FGF14: variants seen among roughly 807,000 people sequenced by gnomAD.
FGF14 encodes the protein fibroblast growth factor 14, also known as fibroblast growth factor homologous factor 4.
In FGF14, 5 loss-of-function variants were observed where a neutral mutation model predicts 25.5. That is an observed-to-expected ratio of 0.20 (90% confidence interval 0.10 to 0.41). The LOEUF (loss-of-function observed/expected upper bound fraction) is 0.41, where lower values mean the gene tolerates loss of function less well. Ranked by LOEUF, FGF14 falls within the 10% of genes least tolerant of loss-of-function variation. FGF14 has a pLI of 1.00. For synonymous variants in FGF14, 138 were observed against 118.3 expected, an observed-to-expected ratio of 1.17 and a Z score of -1.08; for missense variants, 222 against 320.1, an observed-to-expected ratio of 0.69 and a Z score of 2.34.
At chr13:102,072,913 A>C (rs191394776) in intron 1 of FGF14, among the ~76,000 whole-genome samples, 1 of 152,322 alleles carries the variant, frequency 6.6e-6, no homozygotes, top group East Asian at 1.9e-4. Context: ...TATTTGTGGC[A>C]AACTGAAGAG....
intron 3 of FGF14, among the ~76,000 whole-genome samples, chr13:101,864,572 C>T (rs1450878733): frequency 6.6e-6 from 1 of 152,074 alleles, no homozygotes; most frequent in Non-Finnish European, 1.5e-5. Flanking sequence ...CTTGGCTTTC[C>T]AGGTGATTCG....
intron 1 of FGF14, among the ~76,000 whole-genome samples, chr13:102,125,576 A>G (rs1218487924): frequency 6.6e-6 from 1 of 152,140 alleles, no homozygotes; most frequent in Non-Finnish European, 1.5e-5. Flanking sequence ...GATACTACCT[A>G]TTCTTCTGGG....
intron 1 of FGF14, 49 bp downstream of exon 1, chr13:101,916,404 G>A (rs1269156932): frequency 1.2e-6 from 2 of 1,602,076 alleles, no homozygotes; most frequent in Non-Finnish European, 1.7e-6. Context: ...CCGTTTAGGC[G>A]GGGAGGGGGC....
chr13:101,854,859 AATAGCCCTAAGGATGGATTTTATTTTC>A (rs2044040134), intron 3 of FGF14, among the ~76,000 whole-genome samples: 1 of 152,060 alleles, frequency 6.6e-6, no homozygotes, highest in South Asian at 2.1e-4. Flanking sequence ...GATCTTACAC[AATAGCCCTAAGGATGGATTTTATTTTC>A]ATAGCCTCCA....
At position 101,869,968 on chromosome 13, in the gene FGF14, G is replaced by A. The variant is rs151232602; in HGVS notation, c.305-1140C>T. On this transcript the variant is annotated intron_variant, in intron 2 of 4. Coordinates refer to ENST00000376143, the MANE Select transcript of FGF14 (RefSeq NM_004115.4). The stretch of plus-strand genomic sequence containing the variant: ...TCTCTTCTGATTATTACAAGCTACT[G>A]TTTTCAAGATCCCAAGATGTCTGTG... Among the ~76,000 whole-genome samples the A allele has an allele frequency of 4.7e-3, 710 of 152,194 alleles. 5 individuals carry two copies. The highest frequency in any genetic ancestry group is 0.016 in the African/African-American group (684 of 41,530).
chr13:102,113,745 C>A (rs1439789355), intron 1 of FGF14, among the ~76,000 whole-genome samples: 2 of 152,144 alleles, frequency 1.3e-5, no homozygotes, highest in African/African-American at 4.8e-5. Flanking sequence ...CCTTTACCCT[C>A]AGAGTCATAA....
chr13:101,941,880 G>C (rs1189738024), intron 1 of FGF14, among the ~76,000 whole-genome samples: 2 of 152,102 alleles, frequency 1.3e-5, no homozygotes, highest in Admixed American at 1.3e-4. Flanking sequence ...ACAAAACTTA[G>C]TTGCATCATG....
chr13:102,113,921 C>CA (rs1482562137), intron 1 of FGF14, among the ~76,000 whole-genome samples: 10 of 152,190 alleles, frequency 6.6e-5, no homozygotes, highest in Non-Finnish European at 1.5e-4. Context: ...GAAAAGGCAT[C>CA]AAGGCCACCA....
chr13:102,360,750 A>G (rs1361918691), intron 1 of FGF14, among the ~76,000 whole-genome samples: 1 of 152,148 alleles, frequency 6.6e-6, no homozygotes, highest in African/African-American at 2.4e-5. Context: ...GTCTGAGAAC[A>G]CTTCTTAGAT....
intron 1 of FGF14, among the ~76,000 whole-genome samples, chr13:102,097,920 G>A (rs2044477749): frequency 1.3e-5 from 2 of 152,166 alleles, no homozygotes; most frequent in South Asian, 2.1e-4. Context: ...GCTCCCATTC[G>A]TCACCATCAG....
intron 3 of FGF14, among the ~76,000 whole-genome samples, chr13:101,801,454 G>T (rs2040865574): frequency 6.6e-6 from 1 of 151,954 alleles, no homozygotes; most frequent in Non-Finnish European, 1.5e-5. Context: ...AGCAGCCATA[G>T]AAAATATTAC....
At chr13:102,382,669 TA>T (rs2139182937) in intron 1 of FGF14, among the ~76,000 whole-genome samples, 1 of 152,178 alleles carries the variant, frequency 6.6e-6, no homozygotes, top group East Asian at 1.9e-4. Context: ...AATGTATACA[TA>T]AATGTTCATA....
chr13:101,983,476 T>C (rs377398612), intron 1 of FGF14, among the ~76,000 whole-genome samples: 17 of 152,264 alleles, frequency 1.1e-4, no homozygotes, highest in African/African-American at 3.4e-4. Context: ...TTGTTATGAA[T>C]AGGAATGCAA....
chr13:102,238,757 T>G (rs1340115299), intron 1 of FGF14, among the ~76,000 whole-genome samples: 1 of 152,220 alleles, frequency 6.6e-6, no homozygotes, highest in Non-Finnish European at 1.5e-5. Flanking sequence ...AGTTAGAGAT[T>G]TATTAATGCT....
intron 1 of FGF14, among the ~76,000 whole-genome samples, chr13:101,942,557 ATC>A (rs974689435): frequency 6.6e-6 from 1 of 152,188 alleles, no homozygotes; most frequent in Non-Finnish European, 1.5e-5. Flanking sequence ...TGCAAATTAT[ATC>A]TCTCTGAGAA....
At chr13:101,924,800 AGCACAT>A (rs1307203755) in intron 1 of FGF14, among the ~76,000 whole-genome samples, 2 of 152,218 alleles carry the variant, frequency 1.3e-5, no homozygotes, top group African/African-American at 2.4e-5. Context: ...CAAGATCTTA[AGCACAT>A]GCCTTTTCTA....
rs973244378 is a variant in FGF14, at chr13:101,767,742, A to G, written c.409-40932T>C. On this transcript the variant is annotated intron_variant, in intron 3 of 4. Transcript: ENST00000376143. ...AGAAGCGGGTAAGAATTTAAAGACA[A>G]TAGTAGAATCATTATCTCTCTGCTA... Among the ~76,000 whole-genome samples, 6 of 152,296 alleles carry G rather than the reference A, an allele frequency of 3.9e-5. No individual in the cohort carries two copies. In the East Asian group the frequency reaches 1.2e-3, roughly 29 times the overall value.
intron 1 of FGF14, among the ~76,000 whole-genome samples, chr13:102,082,210 C>A: frequency 7.0e-6 from 1 of 143,568 alleles, no homozygotes; most frequent in Non-Finnish European, 1.5e-5. Flanking sequence ...TTGTGAAATT[C>A]TATTATCTCA....
intron 1 of FGF14, among the ~76,000 whole-genome samples, chr13:102,139,665 A>G (rs1334210949): frequency 2.0e-5 from 3 of 152,098 alleles, no homozygotes; most frequent in South Asian, 2.1e-4. Context: ...ATAGGCTCTT[A>G]ATTCCTAGAA....
Sources: allele counts gnomAD v4.1 joint callset (sites outside exome capture counted in the v4.1 genomes callset), GRCh38; gene constraint gnomAD v4.1.1; transcripts MANE v1.5; gene names NCBI Gene and HGNC (gene_info 2026-07-23, HGNC 2026-07-21).